GNA14: variants seen among roughly 807,000 people sequenced by gnomAD.
The protein encoded by GNA14 is G protein subunit alpha 14, also known as guanine nucleotide-binding protein subunit alpha-14.
A neutral mutation model predicts 42.0 loss-of-function variants in GNA14; 50 were observed. The ratio of observed to expected loss-of-function variants is 1.19; its 90% confidence interval spans 0.95 to 1.51. The LOEUF is 1.51. GNA14 is among the 40% of genes most tolerant of loss of function. GNA14 has a pLI of 0.00. For missense variants in GNA14, 473 were observed against 446.2 expected (o/e 1.06, Z -0.54); for synonymous variants, 173 against 163.1 (o/e 1.06, Z -0.46).
At chr9:77,489,446 C>T (rs1836719783) in intron 2 of GNA14, among the ~76,000 whole-genome samples, 1 of 152,130 alleles carries the variant, frequency 6.6e-6, no homozygotes, top group South Asian at 2.1e-4. Context: ...AGATTCAACC[C>T]AAGTAAGACG....
chr9:77,621,182 C>T (rs1823916436), intron 1 of GNA14, among the ~76,000 whole-genome samples: 1 of 152,134 alleles, frequency 6.6e-6, no homozygotes, highest in African/African-American at 2.4e-5. Flanking sequence ...AATCTGCCTG[C>T]CTCAGCCTCC....
chr9:77,459,107 G>A (rs552297225), intron 2 of GNA14, among the ~76,000 whole-genome samples: 3 of 152,210 alleles, frequency 2.0e-5, no homozygotes, highest in African/African-American at 4.8e-5. Flanking sequence ...GTGGTGGCAC[G>A]CGCCTGTAAT....
intron 2 of GNA14, among the ~76,000 whole-genome samples, chr9:77,450,328 T>C (rs1416769484): frequency 1.3e-5 from 2 of 152,160 alleles, no homozygotes; most frequent in Non-Finnish European, 2.9e-5. Context: ...GCCTTACCCA[T>C]GCACAGGAGG....
chr9:77,481,657 T>C (rs1271789580), intron 2 of GNA14, among the ~76,000 whole-genome samples: 1 of 152,142 alleles, frequency 6.6e-6, no homozygotes, highest in African/African-American at 2.4e-5. Context: ...GGTGTTAAAG[T>C]CTCCCATTAT....
chr9:77,569,242 A>G (rs1308672540), intron 1 of GNA14, among the ~76,000 whole-genome samples: 1 of 151,970 alleles, frequency 6.6e-6, no homozygotes, highest in East Asian at 1.9e-4. Flanking sequence ...TATATGTTTC[A>G]AGCATGCTCT....
At chr9:77,472,789 T>TCTCTCTCG (rs1836355169) in intron 2 of GNA14, among the ~76,000 whole-genome samples, 1 of 24,174 alleles carries the variant, frequency 4.1e-5, no homozygotes, top group South Asian at 1.1e-3. Context: ...CATGACATGA[T>TCTCTCTCG]CTCTCTCTCT....
At chr9:77,543,461 A>G (rs1175596428) in intron 1 of GNA14, among the ~76,000 whole-genome samples, 1 of 152,226 alleles carries the variant, frequency 6.6e-6, no homozygotes, top group Non-Finnish European at 1.5e-5. Context: ...TTGAGCTCTC[A>G]GAATGGTGCC....
At chr9:77,518,884 T>C (rs1019425561) in intron 2 of GNA14, among the ~76,000 whole-genome samples, 2 of 152,168 alleles carry the variant, frequency 1.3e-5, no homozygotes, top group Admixed American at 6.5e-5. Context: ...AAAATTTGAT[T>C]TAGATAAAAT....
At chr9:77,526,779 T>C (rs1837446327) in intron 2 of GNA14, 1 of 152,186 alleles carries the variant, frequency 6.6e-6, no homozygotes, top group Non-Finnish European at 1.5e-5. Flanking sequence ...CTTAAGTACT[T>C]TGTTATAACA....
At chr9:77,558,024 T>C (rs991703449) in intron 1 of GNA14, among the ~76,000 whole-genome samples, 5 of 152,174 alleles carry the variant, frequency 3.3e-5, no homozygotes, top group African/African-American at 1.2e-4. Context: ...TGGGACCCTG[T>C]CCTCTGAAAT....
intron 2 of GNA14, among the ~76,000 whole-genome samples, chr9:77,449,977 C>T (rs979046313): frequency 2.0e-5 from 3 of 152,108 alleles, no homozygotes; most frequent in Admixed American, 2.0e-4. Context: ...ACAAAGAGAA[C>T]ATGAGGAATT....
At chr9:77,431,001 T>C (rs889366716) in intron 4 of GNA14, among the ~76,000 whole-genome samples, 1 of 114,718 alleles carries the variant, frequency 8.7e-6, no homozygotes, top group African/African-American at 3.8e-5. Flanking sequence ...TACATTCAAT[T>C]TGTGGGATAC....
intron 2 of GNA14, among the ~76,000 whole-genome samples, chr9:77,515,960 C>CAAAGAAAAAAAA (rs1837248724): frequency 1.9e-5 from 1 of 52,736 alleles, no homozygotes; most frequent in Non-Finnish European, 3.5e-5. Flanking sequence ...CCCTGTCTCA[C>CAAAGAAAAAAAA]AAAAAAAAAA....
chr9:77,647,014 G>A lies in GNA14; in HGVS notation c.124+656C>T, dbSNP rs749691337. Among the ~76,000 whole-genome samples, 3 of 152,328 alleles carry A rather than the reference G, an allele frequency of 2.0e-5. No homozygotes were observed. The East Asian group carries it at 5.8e-4, about 30-fold the overall frequency. ...GGTTTGGGTCCGCTGCAAACACAAA[G>A]GCCTGAGGGACCCCCATGGGAGGCA... On this transcript the variant is annotated intron_variant, in intron 1 of 6. Transcript: ENST00000341700.
intron 2 of GNA14, among the ~76,000 whole-genome samples, chr9:77,503,775 T>C (rs1201967932): frequency 1.3e-5 from 2 of 151,670 alleles, no homozygotes; most frequent in African/African-American, 4.8e-5. Flanking sequence ...CCCTCCTGAA[T>C]AGCTAGGATT....
intron 1 of GNA14, among the ~76,000 whole-genome samples, chr9:77,567,874 A>G (rs1039365116): frequency 1.3e-5 from 2 of 152,220 alleles, no homozygotes; most frequent in African/African-American, 2.4e-5. Flanking sequence ...CTCAAAAACA[A>G]AAAAACAAGT....
chr9:77,533,839 TATA>T (rs1837561242), intron 1 of GNA14, among the ~76,000 whole-genome samples: 2 of 152,230 alleles, frequency 1.3e-5, no homozygotes, highest in African/African-American at 4.8e-5. Flanking sequence ...ATTTCTTTTC[TATA>T]AAGCTCACCT....
chr9:77,463,436 T>C (rs1836153533), intron 2 of GNA14, among the ~76,000 whole-genome samples: 2 of 152,186 alleles, frequency 1.3e-5, no homozygotes, highest in South Asian at 4.1e-4. Flanking sequence ...GACCAGTCAG[T>C]TCTCAGACAG....
intron 2 of GNA14, among the ~76,000 whole-genome samples, chr9:77,444,405 A>T (rs1468342447): frequency 2.0e-5 from 3 of 152,126 alleles, no homozygotes; most frequent in Non-Finnish European, 4.4e-5. Flanking sequence ...ACATGTACAG[A>T]TCTGTGGCCA....
Sources: allele counts gnomAD v4.1 joint callset (sites outside exome capture counted in the v4.1 genomes callset), GRCh38; gene constraint gnomAD v4.1.1; transcripts MANE v1.5; gene names NCBI Gene and HGNC (gene_info 2026-07-23, HGNC 2026-07-21).